SLC25A12: variants seen among roughly 807,000 people sequenced by gnomAD.
SLC25A12 encodes solute carrier family 25 member 12, also known as electrogenic aspartate/glutamate antiporter SLC25A12, mitochondrial.
Under a neutral mutation model 83.3 loss-of-function variants are expected in SLC25A12, and 32 were observed. The ratio of observed to expected loss-of-function variants is 0.38; its 90% CI spans 0.29 to 0.52. The LOEUF (loss-of-function observed/expected upper bound fraction) is 0.52. Ranked by LOEUF, SLC25A12 falls within the 20% of genes least tolerant of loss-of-function variation. SLC25A12 has a pLI of 0.84. For missense variants in SLC25A12, 611 were observed against 835.6 expected (o/e 0.73, Z 3.31); for synonymous variants, 267 against 291.1 (o/e 0.92, Z 0.84).
intron 13 of SLC25A12, among the ~76,000 whole-genome samples, chr2:171,801,337 T>C (rs1485362720): frequency 2.6e-5 from 4 of 152,210 alleles, no homozygotes; most frequent in Admixed American, 1.3e-4. Flanking sequence ...GTAAGAGAGT[T>C]AGCCTTTTTG....
At chr2:171,881,912 A>T (rs1386803987) in intron 2 of SLC25A12, among the ~76,000 whole-genome samples, 1 of 152,184 alleles carries the variant, frequency 6.6e-6, no homozygotes, top group African/African-American at 2.4e-5. Context: ...AAGAAGACTG[A>T]GAGAAAAAAT....
intron 13 of SLC25A12, among the ~76,000 whole-genome samples, chr2:171,806,431 G>T (rs1360325560): frequency 1.3e-5 from 2 of 152,136 alleles, no homozygotes; most frequent in African/African-American, 4.8e-5. Flanking sequence ...TTCCAGCCTG[G>T]ATAACAAGAG....
intron 5 of SLC25A12, 23 bp from the exon 6 acceptor site, chr2:171,837,290 G>C (rs778449704): frequency 1.2e-6 from 2 of 1,613,374 alleles, no homozygotes; most frequent in South Asian, 2.2e-5. Flanking sequence ...TAGAAATAGG[G>C]CATTAAGCTG....
Position 171,844,461 on chromosome 2 carries a change from G to A in SLC25A12, c.373C>T (p.Pro125Ser). 6.2e-7 allele frequency: 1 copy of A among 1,610,298 alleles called. No homozygotes were observed. Among genetic ancestry groups the A allele is most frequent in the Non-Finnish European group, 8.5e-7 (1 of 1,176,682 alleles). ...ATAAATTCACAATCCCAGTTAAAAG[G>A]GATATGATGATGAATAATAGTCTGT... ...FGQTIIHHHI[P>S]FNWDCEFIRL... The change falls in exon 5 of 18, where the codon CCT becomes TCT. Residue 125 changes from proline to serine, a missense_variant. Pro to Ser is a moderately conservative substitution (Grantham distance 74, BLOSUM62 -1). Coordinates refer to ENST00000422440, the MANE Select transcript of SLC25A12 (RefSeq NM_003705.5).
chr2:171,794,616 T>A (rs1683559457), intron 13 of SLC25A12, among the ~76,000 whole-genome samples: 1 of 151,608 alleles, frequency 6.6e-6, no homozygotes, highest in Non-Finnish European at 1.5e-5. Context: ...TTAACAAAAC[T>A]TCTACCAACT....
At chr2:171,810,421 C>T (rs1036665553) in intron 11 of SLC25A12, 145 bp from the exon 12 acceptor site, 2 of 741,370 alleles carry the variant, frequency 2.7e-6, no homozygotes, top group East Asian at 5.3e-5. Flanking sequence ...ATCCTTAAAA[C>T]TCTGTATACA....
At chr2:171,871,735 C>T (rs1685461810) in intron 2 of SLC25A12, 1 of 985,044 alleles carries the variant, frequency 1.0e-6, no homozygotes, top group Non-Finnish European at 1.2e-6. Context: ...GATTATGTCT[C>T]TCCTTTCTTC....
At chr2:171,824,289 C>T (rs1022023844) in intron 9 of SLC25A12, among the ~76,000 whole-genome samples, 3 of 152,090 alleles carry the variant, frequency 2.0e-5, no homozygotes, top group Non-Finnish European at 4.4e-5. Context: ...CATCACTTTC[C>T]TAAGGATGAA....
chr2:171,891,791 G>C (rs1254767503), intron 2 of SLC25A12, among the ~76,000 whole-genome samples: 1 of 152,198 alleles, frequency 6.6e-6, no homozygotes, highest in African/African-American at 2.4e-5. Flanking sequence ...AAGGTTTCAA[G>C]TCATAAATGG....
intron 8 of SLC25A12, among the ~76,000 whole-genome samples, chr2:171,831,266 CCT>C (rs1186633371): frequency 6.6e-6 from 1 of 152,162 alleles, no homozygotes; most frequent in Non-Finnish European, 1.5e-5. Context: ...AGGAGAAACC[CCT>C]GTTTTCCTCA....
At chr2:171,851,632 T>C (rs575403612) in intron 4 of SLC25A12, among the ~76,000 whole-genome samples, 1 of 151,822 alleles carries the variant, frequency 6.6e-6, no homozygotes, top group Non-Finnish European at 1.5e-5. Context: ...CCTCCCAGGC[T>C]CAAGTAATCC....
chr2:171,840,014 G>A (rs1304356658), intron 5 of SLC25A12, among the ~76,000 whole-genome samples: 1 of 152,018 alleles, frequency 6.6e-6, no homozygotes, highest in Non-Finnish European at 1.5e-5. Context: ...CAGTTGAGAG[G>A]GAGAATACTA....
chr2:171,800,300 C>T (rs767941283), intron 13 of SLC25A12, among the ~76,000 whole-genome samples: 9 of 148,142 alleles, frequency 6.1e-5, no homozygotes, highest in East Asian at 2.0e-4. Flanking sequence ...ATAAAATGTA[C>T]GCAAAAGACT....
intron 2 of SLC25A12, among the ~76,000 whole-genome samples, chr2:171,890,803 T>C (rs184432362): frequency 1.3e-5 from 2 of 152,298 alleles, no homozygotes; most frequent in African/African-American, 2.4e-5. Context: ...TCTTTCTTGC[T>C]GCGTTAGGCC....
intron 13 of SLC25A12, among the ~76,000 whole-genome samples, chr2:171,807,523 T>G (rs1486983468): frequency 6.6e-6 from 1 of 152,152 alleles, no homozygotes; most frequent in African/African-American, 2.4e-5. Flanking sequence ...AAACAAATAA[T>G]TAGCTACATG....
At position 171,834,785 on chromosome 2, in the gene SLC25A12, A is replaced by G. The variant is rs1684522037; in HGVS notation, c.693T>C (p.Leu231=). Residue 231 remains leucine, a synonymous_variant, in exon 7 of 18, where the codon CTT becomes CTC. Transcript: ENST00000422440. ...AFNSLLNNME[L]VRKIYSTLAG... ...CTAGAGTGCTATATATCTTACGAAC[A>G]AGCTCCATGTTATTCAGTAACGAGT... 1.2e-6 allele frequency: 2 copies of G among 1,613,824 alleles called. No homozygotes were observed. Among genetic ancestry groups the G allele is most frequent in the Non-Finnish European group, 1.7e-6 (2 of 1,179,946 alleles).
intron 13 of SLC25A12, among the ~76,000 whole-genome samples, chr2:171,803,416 T>A (rs1305363122): frequency 1.3e-5 from 2 of 152,150 alleles, no homozygotes; most frequent in Admixed American, 6.5e-5. Flanking sequence ...GACTCATATC[T>A]AGAATATACA....
intron 15 of SLC25A12, among the ~76,000 whole-genome samples, chr2:171,789,706 C>T (rs2105835375): frequency 6.6e-6 from 1 of 152,180 alleles, no homozygotes; most frequent in South Asian, 2.1e-4. Flanking sequence ...CTGTGCTGGC[C>T]AACATGGTGA....
At chr2:171,876,646 T>G (rs1471392090) in intron 2 of SLC25A12, among the ~76,000 whole-genome samples, 1 of 151,978 alleles carries the variant, frequency 6.6e-6, no homozygotes, top group African/African-American at 2.4e-5. Context: ...GTTTTTATTT[T>G]TTTGTAAAGA....
Sources: allele counts gnomAD v4.1 joint callset (sites outside exome capture counted in the v4.1 genomes callset), GRCh38; gene constraint gnomAD v4.1.1; transcripts MANE v1.5; gene names NCBI Gene and HGNC (gene_info 2026-07-23, HGNC 2026-07-21).